Variants in VIPR2 observed in about 807,000 individuals in gnomAD.
VIPR2 encodes vasoactive intestinal peptide receptor 2, also known as vasoactive intestinal polypeptide receptor 2.
A neutral mutation model predicts 58.0 loss-of-function variants in VIPR2; 48 were observed. The ratio of observed to expected loss-of-function variants is 0.83; its 90% confidence interval spans 0.66 to 1.05. VIPR2 has a LOEUF of 1.05. Ranked by LOEUF, VIPR2 falls within the 50% of genes least tolerant of loss-of-function variation. The pLI, the probability that VIPR2 is intolerant of heterozygous loss-of-function variation, is 0.00. For missense variants in VIPR2, 534 were observed against 558.0 expected (o/e 0.96, Z 0.43); for synonymous variants, 243 against 235.2 (o/e 1.03, Z -0.30).
rs1042620 is a variant in VIPR2, at chr7:159,030,698, C to T, written c.1235G>A (p.Arg412His). The T allele has an allele frequency of 1.3e-6, 2 of 1,584,584 alleles. No individual in the cohort carries two copies. Among genetic ancestry groups the T allele is most frequent in the South Asian group, 2.3e-5 (2 of 86,786 alleles). The change falls in exon 13 of 13, where the codon CGC becomes CAC. Residue 412 changes from arginine to histidine, a missense_variant. Arg to His is a conservative substitution (Grantham distance 29). Coordinates refer to ENST00000262178, the MANE Select transcript of VIPR2 (RefSeq NM_003382.5). The stretch of plus-strand genomic sequence containing the variant: ...CTGCAGGGCGCCCTCCGAGCCGTTG[C>T]GGGAGAAGGAGGAACCGCAGACCCT... ...DYRVCGSSFS[R>H]NGSEGALQFH...
In VIPR2 at chr7:159,127,877, G is replaced by A. The variant is rs2129497224; in HGVS notation, c.151+14569C>T. On this transcript the variant is annotated intron_variant, in intron 2 of 12. Coordinates refer to ENST00000262178, the MANE Select transcript of VIPR2 (RefSeq NM_003382.5). The surrounding 1 kb of genome is among the most constrained non-coding windows in gnomAD (Gnocchi z 4.6). ...GGGGCTTAGGGCTGGGGCCACGCGA[G>A]GCCTTGGAGAGGGTGAACATTCAAG... is the stretch of plus-strand genomic sequence containing the variant. 6.6e-6 allele frequency among the ~76,000 whole-genome samples: 1 copy of A among 152,312 alleles called. No individual in the cohort carries two copies. The highest frequency in any genetic ancestry group is 3.4e-3 in the Middle Eastern group (1 of 294).
chr7:159,030,798 T>G lies in VIPR2; in HGVS notation c.1144-9A>C. On this transcript the variant is annotated splice_polypyrimidine_tract_variant and intron_variant, in intron 12 of 12. Coordinates refer to ENST00000262178, the MANE Select transcript of VIPR2 (RefSeq NM_003382.5). ...TTCAGCTCGCACTGCACCTGGGAGG[T>G]GAGGGCAGCGGGAACGCCCGTGAGC... 1 of 1,561,766 alleles carries G rather than the reference T, an allele frequency of 6.4e-7. No homozygotes were observed. Among genetic ancestry groups the G allele is most frequent in the Non-Finnish European group, 8.7e-7 (1 of 1,151,772 alleles).
chr7:159,101,591 C>T (rs1453785156), intron 4 of VIPR2, among the ~76,000 whole-genome samples: 11 of 116,990 alleles, frequency 9.4e-5, no homozygotes, highest in East Asian at 2.8e-4. Context: ...CGAGATCCGA[C>T]GAGGCGGTTC....
chr7:159,042,216 AG>A (rs1697667661), intron 6 of VIPR2, among the ~76,000 whole-genome samples: 1 of 152,116 alleles, frequency 6.6e-6, no homozygotes. Context: ...ATGCGGGAGG[AG>A]AGTCTGGAGC....
rs541874474 is a variant in VIPR2 at position 159,095,290 on chromosome 7, C to T, written c.357+8467G>A. 2.6e-5 allele frequency among the ~76,000 whole-genome samples: 4 copies of T among 152,280 alleles called. No homozygotes were observed. Among genetic ancestry groups the T allele is most frequent in the African/African-American group, 4.8e-5 (2 of 41,544 alleles). On this transcript the variant is annotated intron_variant, in intron 4 of 12. Coordinates refer to ENST00000262178, the MANE Select transcript of VIPR2 (RefSeq NM_003382.5). The surrounding 1 kb of genome is among the most constrained non-coding windows in gnomAD (Gnocchi z 5.2). ...AGCCCTGCTTTTAGGGGATTCCTAA[C>T]ATTTAAGGGGTGAAAAGGCGTGTGT...
chr7:159,133,561 C>A (rs1423614237), intron 2 of VIPR2, among the ~76,000 whole-genome samples: 3 of 152,266 alleles, frequency 2.0e-5, no homozygotes, highest in African/African-American at 7.2e-5. Context: ...GCCAAGAACA[C>A]AATTTGGACC....
chr7:159,094,901 A>T (rs1019960794), intron 4 of VIPR2, among the ~76,000 whole-genome samples: 1 of 152,238 alleles, frequency 6.6e-6, no homozygotes, highest in Non-Finnish European at 1.5e-5. Context: ...TTAGGATTAA[A>T]AAAGGCAACT....
chr7:159,064,952 C>T (rs551935050), intron 4 of VIPR2, among the ~76,000 whole-genome samples: 116 of 152,326 alleles, frequency 7.6e-4, no homozygotes, highest in Non-Finnish European at 1.4e-3. Flanking sequence ...TCTGCATCGC[C>T]ACCTCTACCG....
intron 2 of VIPR2, among the ~76,000 whole-genome samples, chr7:159,126,280 A>T (rs1242260032): frequency 6.6e-6 from 1 of 152,230 alleles, no homozygotes; most frequent in East Asian, 1.9e-4. Flanking sequence ...GATTATACAA[A>T]TCTACCAAAT....
intron 2 of VIPR2, among the ~76,000 whole-genome samples, chr7:159,111,732 G>A (rs1383887323): frequency 6.6e-6 from 1 of 152,026 alleles, no homozygotes; most frequent in Non-Finnish European, 1.5e-5. Context: ...TAATGGGCTG[G>A]GTGTAGTGAC....
At chr7:159,044,919 C>G (rs1482377686) in intron 5 of VIPR2, among the ~76,000 whole-genome samples, 4 of 152,130 alleles carry the variant, frequency 2.6e-5, no homozygotes, top group African/African-American at 9.7e-5. Context: ...GCACCTGCCA[C>G]CATGACCAGC....
intron 4 of VIPR2, among the ~76,000 whole-genome samples, chr7:159,083,636 C>T (rs1001349769): frequency 6.6e-6 from 1 of 152,222 alleles, no homozygotes; most frequent in Non-Finnish European, 1.5e-5. Flanking sequence ...CCTGCTGTCC[C>T]GGGCAATCAT....
chr7:159,092,748 T>A (rs946950191), intron 4 of VIPR2, among the ~76,000 whole-genome samples: 1 of 151,598 alleles, frequency 6.6e-6, no homozygotes, highest in Non-Finnish European at 1.5e-5. Context: ...CCTCCCGGGT[T>A]CGGCTGTTCT....
chr7:159,058,406 T>G (rs1585381258), intron 5 of VIPR2, 75 bp downstream of exon 5: 1 of 1,256,610 alleles, frequency 8.0e-7, no homozygotes, highest in Non-Finnish European at 1.2e-6. Flanking sequence ...CCAGGCTGGG[T>G]GGCGCCTAGA....
Position 159,128,075 on chromosome 7 carries a change from A to G in VIPR2, c.151+14371T>C, listed in dbSNP as rs1796720745. Among the ~76,000 whole-genome samples the G allele has an allele frequency of 6.6e-6, 1 of 152,168 alleles. No homozygotes were observed. Among genetic ancestry groups the G allele is most frequent in the African/African-American group, 2.4e-5 (1 of 41,454 alleles). On this transcript the variant is annotated intron_variant, in intron 2 of 12. Coordinates refer to ENST00000262178, the MANE Select transcript of VIPR2 (RefSeq NM_003382.5). This position sits in a 1 kb window ranked among gnomAD's most constrained non-coding sequence, Gnocchi z 4.1. ...GGCCTGACCGTGGGTCTCGGCAGGA[A>G]TGGAGCCAGGTGAGGACACCTGGTA...
At position 159,128,682 on chromosome 7, in the gene VIPR2, C is replaced by T. The variant is rs1218645823; in HGVS notation, c.151+13764G>A. 3.3e-5 allele frequency among the ~76,000 whole-genome samples: 5 copies of T among 152,218 alleles called. No individual in the cohort carries two copies. Among genetic ancestry groups the T allele is most frequent in the African/African-American group, 9.6e-5 (4 of 41,468 alleles). Reference sequence around the variant, plus strand: ...TCTCCATCTCCCACCTGGAGGAACTCGATCAATGAGTTTCCTCATTTCCAG... The same window carrying T: ...TCTCCATCTCCCACCTGGAGGAACTTGATCAATGAGTTTCCTCATTTCCAG... On this transcript the variant is annotated intron_variant, in intron 2 of 12. Coordinates refer to ENST00000262178, the MANE Select transcript of VIPR2 (RefSeq NM_003382.5). The surrounding 1 kb of genome is among the most constrained non-coding windows in gnomAD (Gnocchi z 4.1).
intron 4 of VIPR2, among the ~76,000 whole-genome samples, chr7:159,063,705 G>C (rs899296544): frequency 6.7e-6 from 1 of 149,818 alleles, no homozygotes; most frequent in Non-Finnish European, 1.5e-5. Flanking sequence ...AGGGGTCTTG[G>C]GGGGATCTGG....
intron 4 of VIPR2, among the ~76,000 whole-genome samples, chr7:159,060,708 C>G (rs951683014): frequency 6.6e-6 from 1 of 152,092 alleles, no homozygotes; most frequent in Admixed American, 6.5e-5. Flanking sequence ...CTAACCACCA[C>G]TCTGAACTCA....
At chr7:159,032,149 GC>G in intron 10 of VIPR2, 82 bp from the exon 11 acceptor site, 1 of 1,567,566 alleles carries the variant, frequency 6.4e-7, no homozygotes, top group South Asian at 1.2e-5. Context: ...TCAGGAGGGG[GC>G]AGCTGGGTGT....
Sources: allele counts gnomAD v4.1 joint callset (sites outside exome capture counted in the v4.1 genomes callset), GRCh38; gene constraint gnomAD v4.1.1; non-coding constraint Gnocchi (gnomAD v3.1); transcripts MANE v1.5; gene names NCBI Gene and HGNC (gene_info 2026-07-23, HGNC 2026-07-21).